COPZ1: variants seen among roughly 807,000 people sequenced by gnomAD.
The protein encoded by COPZ1 is coatomer subunit zeta-1.
Under a neutral mutation model 31.7 loss-of-function variants are expected in COPZ1, and 4 were observed. The observed-to-expected ratio is 0.13, with a 90% CI of 0.06 to 0.29. The LOEUF (loss-of-function observed/expected upper bound fraction) is 0.29. COPZ1 is among the 10% of genes least tolerant of loss of function. The pLI is 1.00. For synonymous variants in COPZ1, 74 were observed against 79.0 expected (o/e 0.94, Z 0.33); for missense variants, 156 against 211.5 (o/e 0.74, Z 1.63).
At chr12:54,328,488 C>T (rs549555129) in intron 1 of COPZ1, among the ~76,000 whole-genome samples, 3 of 152,218 alleles carry the variant, frequency 2.0e-5, no homozygotes, top group East Asian at 1.9e-4. Context: ...ATCACTTGAA[C>T]CTGGGAGGCA....
At position 54,325,812 on chromosome 12, in the gene COPZ1, CTT is replaced by C. The variant is rs892843887; in HGVS notation, c.18+651_18+652del. 8 of 120,488 alleles carry C rather than the reference CTT, an allele frequency of 6.6e-5. No homozygotes were observed. In the South Asian group the frequency reaches 8.2e-4, roughly 12 times the overall value. 7.5% of individuals were successfully genotyped at this position (120,488 alleles called of 1,614,324 possible). ...TCTACCCATTTAGACCTTAGGAATT[CTT>C]TTTTTTTTTTTTTTTTTTTGAGACC... On this transcript the variant is annotated intron_variant, in intron 1 of 8. Transcript: ENST00000262061.
intron 5 of COPZ1, chr12:54,346,787 T>C (rs1294081539): frequency 2.1e-5 from 13 of 613,640 alleles, no homozygotes; most frequent in African/African-American, 3.7e-5. Flanking sequence ...GCCCAGGAGG[T>C]TGAGGCTGCA....
chr12:54,350,512 C>A lies in COPZ1; in HGVS notation c.523C>A (p.Leu175Ile). The A allele has an allele frequency of 6.2e-7, 1 of 1,613,958 alleles. No homozygotes were observed. Among genetic ancestry groups the A allele is most frequent in the Non-Finnish European group, 8.5e-7 (1 of 1,179,812 alleles). The change falls in exon 9 of 9, where the codon CTC becomes ATC. Residue 175 changes from leucine to isoleucine, a missense_variant. Physicochemically the swap from Leu to Ile is conservative, Grantham distance 5. Transcript: ENST00000262061. ...AGCCAAAGAACAGATCAAGTGGTCACTCCTTCGGTGAAGACCTCACTGTTC... is the reference window on the plus strand; with the variant it reads ...AGCCAAAGAACAGATCAAGTGGTCAATCCTTCGGTGAAGACCTCACTGTTC... ...QSAKEQIKWS[L>I]LR is the part of the protein sequence containing the mutation.
intron 7 of COPZ1, among the ~76,000 whole-genome samples, chr12:54,348,702 A>G (rs191160201): frequency 6.6e-6 from 1 of 152,180 alleles, no homozygotes; most frequent in East Asian, 1.9e-4. Context: ...GCACCACTGC[A>G]CTCCAGCCTG....
intron 1 of COPZ1, among the ~76,000 whole-genome samples, chr12:54,327,170 A>G (rs905957103): frequency 1.3e-5 from 2 of 151,040 alleles, no homozygotes; most frequent in Non-Finnish European, 2.9e-5. Flanking sequence ...TAGTAGAAAC[A>G]GGGTTTCTCC....
chr12:54,337,525 A>C lies in COPZ1; in HGVS notation c.19-3022A>C, dbSNP rs113484236. On this transcript the variant is annotated intron_variant, in intron 1 of 8. Coordinates refer to ENST00000262061, the MANE Select transcript of COPZ1 (RefSeq NM_016057.3). ...AAACTTAAAATGAAATTACATTATCAGTAATGACTTCTGGGGCCTTTAAAC... is the reference window on the plus strand; with the variant it reads ...AAACTTAAAATGAAATTACATTATCCGTAATGACTTCTGGGGCCTTTAAAC... 1.1e-3 allele frequency among the ~76,000 whole-genome samples: 170 copies of C among 152,350 alleles called. 1 individual carries two copies. The highest frequency in any genetic ancestry group is 3.9e-3 in the African/African-American group (164 of 41,578).
intron 3 of COPZ1, among the ~76,000 whole-genome samples, chr12:54,342,854 T>C (rs1433181500): frequency 1.1e-4 from 2 of 18,880 alleles, no homozygotes; most frequent in Non-Finnish European, 1.6e-4. Flanking sequence ...TAACGCCTTC[T>C]TTTTTTTTTT....
At chr12:54,346,599 T>C (rs936672306) in intron 5 of COPZ1, 9 of 701,444 alleles carry the variant, frequency 1.3e-5, no homozygotes, top group African/African-American at 5.2e-5. Flanking sequence ...TCCTTGTTTT[T>C]TCCCTTCTGT....
At chr12:54,345,566 G>A in intron 5 of COPZ1, 51 bp downstream of exon 5, 1 of 1,420,380 alleles carries the variant, frequency 7.0e-7, no homozygotes, top group Non-Finnish European at 9.9e-7. Flanking sequence ...GAAAGAGCAG[G>A]GCATTGTTGA....
At chr12:54,345,073 T>C (rs747873544) in intron 4 of COPZ1, 4 of 179,492 alleles carry the variant, frequency 2.2e-5, no homozygotes, top group Non-Finnish European at 4.7e-5. Context: ...TGTGACCCAC[T>C]GTGCCCAGCC....
intron 1 of COPZ1, among the ~76,000 whole-genome samples, chr12:54,333,782 A>G (rs568115494): frequency 5.6e-4 from 85 of 152,314 alleles, no homozygotes; most frequent in African/African-American, 1.8e-3. Flanking sequence ...GGAAGATTGT[A>G]GGTGTCTCTT....
chr12:54,327,132 C>T (rs1473665092), intron 1 of COPZ1, among the ~76,000 whole-genome samples: 1 of 149,998 alleles, frequency 6.7e-6, no homozygotes, highest in East Asian at 2.0e-4. Context: ...AGGCACGCGC[C>T]ACCATGCCCA....
intron 1 of COPZ1, among the ~76,000 whole-genome samples, chr12:54,331,173 CTTTTTTTT>C (rs1000222358): frequency 1.6e-4 from 13 of 80,278 alleles, no homozygotes; most frequent in East Asian, 3.9e-4. Context: ...TTTTCACACT[CTTTTTTTT>C]TTTTTTTTTT....
Position 54,349,319 on chromosome 12 carries a change from C to T in COPZ1, c.448-301C>T, listed in dbSNP as rs1954110394. 2.0e-5 allele frequency among the ~76,000 whole-genome samples: 3 copies of T among 152,272 alleles called. No homozygotes were observed. The South Asian group carries it at 6.2e-4, about 32-fold the overall frequency. On this transcript the variant is annotated intron_variant, in intron 7 of 8. Transcript: ENST00000262061. ...TCTGACTAGGGAATCAGGTCCTCCA[C>T]CCCCACGTTAAGGGAGTTGAGGATC...
intron 5 of COPZ1, among the ~76,000 whole-genome samples, chr12:54,346,446 T>C (rs1341829485): frequency 6.6e-6 from 1 of 152,018 alleles, no homozygotes; most frequent in East Asian, 1.9e-4. Flanking sequence ...CTAATTTTTG[T>C]ATTTTTAGTG....
At chr12:54,327,505 C>T (rs1435001305) in intron 1 of COPZ1, among the ~76,000 whole-genome samples, 2 of 151,932 alleles carry the variant, frequency 1.3e-5, no homozygotes, top group Non-Finnish European at 2.9e-5. Flanking sequence ...CTGTGTTGCC[C>T]AGGCTGGTCT....
intron 2 of COPZ1, 109 bp downstream of exon 2, chr12:54,340,724 G>A (rs1953959474): frequency 2.2e-5 from 25 of 1,158,482 alleles, no homozygotes; most frequent in Non-Finnish European, 3.0e-5. Flanking sequence ...GTATAATTTT[G>A]AGAATACTTC....
chr12:54,341,798 A>G (rs544593704), intron 2 of COPZ1, among the ~76,000 whole-genome samples: 41 of 152,088 alleles, frequency 2.7e-4, no homozygotes, highest in Admixed American at 4.6e-4. Context: ...TCATACAGTG[A>G]GTGAGGGTCT....
intron 1 of COPZ1, among the ~76,000 whole-genome samples, chr12:54,326,640 GGTGTGTGTGTGTGTGT>G (rs71070816): frequency 3.0e-5 from 4 of 134,486 alleles, no homozygotes; most frequent in African/African-American, 8.7e-5. Flanking sequence ...GATTTGGAGG[GGTGTGTGTGTGTGTGT>G]GTGTGTGTGT....
Sources: allele counts gnomAD v4.1 joint callset (sites outside exome capture counted in the v4.1 genomes callset), GRCh38; gene constraint gnomAD v4.1.1; transcripts MANE v1.5; gene names NCBI Gene and HGNC (gene_info 2026-07-23, HGNC 2026-07-21).